ANKRD11: variants seen among roughly 807,000 people sequenced by gnomAD.
ANKRD11 encodes the protein ankyrin repeat domain 11.
In ANKRD11, 17 loss-of-function variants were observed where a neutral mutation model predicts 195.7. The ratio of observed to expected loss-of-function variants is 0.09; its 90% CI spans 0.06 to 0.13. ANKRD11 has a LOEUF of 0.13. Among genes scored for constraint, ANKRD11 ranks in the 10% least tolerant of loss-of-function variants. The pLI is 1.00. For missense variants in ANKRD11, 3,735 were observed against 3,566.1 expected (o/e 1.05, Z -1.21); for synonymous variants, 1,953 against 1,528.1 (o/e 1.28, Z -6.49).
At chr16:89,477,359 CT>C (rs1298140306) in intron 1 of ANKRD11, among the ~76,000 whole-genome samples, 2 of 151,124 alleles carry the variant, frequency 1.3e-5, no homozygotes, top group African/African-American at 4.9e-5. Flanking sequence ...CGCGTAATTT[CT>C]TTTTTTTCTC....
chr16:89,286,796 A>C (rs1207200030), intron 7 of ANKRD11: 1 of 1,287,278 alleles, frequency 7.8e-7, no homozygotes, highest in Admixed American at 2.3e-5. Flanking sequence ...TCAGCTGTTC[A>C]TCACCAGCAA....
chr16:89,487,461 T>C (rs1007560324), intron 1 of ANKRD11, among the ~76,000 whole-genome samples: 6 of 152,206 alleles, frequency 3.9e-5, no homozygotes, highest in African/African-American at 1.4e-4. Context: ...ATAACCTTTC[T>C]ATGTCAAATC....
chr16:89,484,663 TAA>T (rs898784643), intron 1 of ANKRD11, among the ~76,000 whole-genome samples: 4 of 152,220 alleles, frequency 2.6e-5, no homozygotes, highest in African/African-American at 9.6e-5. Flanking sequence ...TCTGATATCA[TAA>T]AGTTATTAGG....
intron 2 of ANKRD11, among the ~76,000 whole-genome samples, chr16:89,353,141 A>C (rs1186973258): frequency 6.6e-6 from 1 of 152,174 alleles, no homozygotes; most frequent in Non-Finnish European, 1.5e-5. Flanking sequence ...CAGGAGTTCA[A>C]GACCAGCCTG....
At chr16:89,268,791 C>T in intron 12 of ANKRD11, 128 bp from the exon 13 acceptor site, 4 of 1,029,076 alleles carry the variant, frequency 3.9e-6, no homozygotes, top group Non-Finnish European at 5.7e-6. Context: ...ATGGGCCAGG[C>T]CCAGCTGTAC....
rs145730800 is a variant in ANKRD11, at chr16:89,283,963, G to A, written c.2579C>T (p.Ser860Leu). Residue 860 changes from serine to leucine, a missense_variant, in exon 9 of 13, where the codon TCG becomes TTG. Coordinates refer to ENST00000301030, the MANE Select transcript of ANKRD11 (RefSeq NM_013275.6). The surrounding 1 kb of genome is among the most constrained non-coding windows in gnomAD (Gnocchi z 4.3). ...FDFKGEDSWD[S>L]PVTDYRDMKS... is the part of the protein sequence containing the mutation. ...CATGTCCCTGTAGTCTGTCACTGGC[G>A]AGTCCCAGCTGTCCTCCCCTTTGAA... The A allele has an allele frequency of 2.3e-5, 37 of 1,613,980 alleles. No individual in the cohort carries two copies. The African/African-American group carries it at 4.0e-4, about 17-fold the overall frequency.
chr16:89,394,222 C>T (rs1023827394), intron 2 of ANKRD11, among the ~76,000 whole-genome samples: 5 of 152,202 alleles, frequency 3.3e-5, no homozygotes, highest in African/African-American at 1.2e-4. Flanking sequence ...GACATGGGCA[C>T]GTTCTGGGAC....
rs375065791 is a variant in ANKRD11 at position 89,291,205 on chromosome 16, G to C, written c.227-22C>G. On this transcript the variant is annotated intron_variant, in intron 4 of 12. Transcript: ENST00000301030. This position sits in a 1 kb window ranked among gnomAD's most constrained non-coding sequence, Gnocchi z 5.3. Reference sequence around the variant, plus strand: ...TTCTCTGTGAGGCGGGCGAGGGAGAGAGGGAGGAGAGATTTCATGCCATGG... The same window carrying C: ...TTCTCTGTGAGGCGGGCGAGGGAGACAGGGAGGAGAGATTTCATGCCATGG... 1.2e-6 allele frequency: 2 copies of C among 1,611,472 alleles called. No individual in the cohort carries two copies. Among genetic ancestry groups the C allele is most frequent in the African/African-American group, 1.3e-5 (1 of 74,928 alleles).
intron 1 of ANKRD11, among the ~76,000 whole-genome samples, chr16:89,481,486 G>C (rs967199200): frequency 6.6e-6 from 1 of 152,156 alleles, no homozygotes; most frequent in African/African-American, 2.4e-5. Flanking sequence ...GAGCCCAGAA[G>C]CTCAAGGATG....
chr16:89,452,043 G>A (rs997520349), intron 1 of ANKRD11, among the ~76,000 whole-genome samples: 11 of 152,074 alleles, frequency 7.2e-5, no homozygotes, highest in Non-Finnish European at 1.5e-4. Context: ...TGGATCACCT[G>A]ACCTCAGGAG....
intron 12 of ANKRD11, among the ~76,000 whole-genome samples, chr16:89,269,457 T>C (rs918280538): frequency 2.6e-5 from 4 of 152,176 alleles, no homozygotes; most frequent in Non-Finnish European, 5.9e-5. Flanking sequence ...TCAATGGGCC[T>C]CATAGCTTTT....
chr16:89,321,632 G>A (rs1444537904), intron 2 of ANKRD11, among the ~76,000 whole-genome samples: 1 of 151,984 alleles, frequency 6.6e-6, no homozygotes. Context: ...GTTCTGTTCT[G>A]CACACTAACA....
Position 89,279,173 on chromosome 16 carries a change from A to G in ANKRD11, c.7369T>C (p.Cys2457Arg). 6.2e-7 allele frequency: 1 copy of G among 1,613,036 alleles called. No homozygotes were observed. Among genetic ancestry groups the G allele is most frequent in the Non-Finnish European group, 8.5e-7 (1 of 1,179,934 alleles). Reference protein sequence around the residue: ...KIEEKRKILCCITPQAPQCYA... With the variant: ...KIEEKRKILCRITPQAPQCYA... ...CACTGGGGCGCCTGCGGCGTGATAC[A>G]GCACAGGATCTTGCGCTTCTCCTCG... The change falls in exon 9 of 13, where the codon TGT (cysteine) becomes CGT (arginine). Residue 2457 changes from cysteine to arginine, a missense_variant. Transcript: ENST00000301030. The surrounding 1 kb of genome is among the most constrained non-coding windows in gnomAD (Gnocchi z 5.6).
chr16:89,270,199 GA>G (rs1288934816), intron 12 of ANKRD11: 1 of 171,368 alleles, frequency 5.8e-6, no homozygotes, highest in Non-Finnish European at 1.3e-5. Flanking sequence ...GCACCTTTCT[GA>G]GAGCTGCAGT....
In ANKRD11 at chr16:89,317,716, TC is replaced by T. The variant is rs941642517; in HGVS notation, c.-59-639del. 1.7e-4 allele frequency among the ~76,000 whole-genome samples: 26 copies of T among 152,338 alleles called. 1 individual carries two copies. The Middle Eastern group carries it at 0.02, about 120-fold the overall frequency. On this transcript the variant is annotated intron_variant, in intron 2 of 12. Transcript: ENST00000301030. The stretch of plus-strand genomic sequence containing the variant: ...GGCCTCAGGCTCCAGCTCCTGGGTT[TC>T]CCAGGAAATCCGAGGACACATACTG...
At chr16:89,365,605 GGTAT>G (rs2039910556) in intron 2 of ANKRD11, among the ~76,000 whole-genome samples, 1 of 152,194 alleles carries the variant, frequency 6.6e-6, no homozygotes, top group Non-Finnish European at 1.5e-5. Context: ...TTGAAAAAGA[GGTAT>G]GTTCACTCAA....
At chr16:89,297,938 G>A (rs1172552473) in intron 4 of ANKRD11, 2 of 151,956 alleles carry the variant, frequency 1.3e-5, no homozygotes, top group Admixed American at 1.3e-4. Flanking sequence ...TTCTTCCGCA[G>A]TGTATGTGAA....
At chr16:89,324,213 C>T (rs2037549629) in intron 2 of ANKRD11, 2 of 1,194,016 alleles carry the variant, frequency 1.7e-6, no homozygotes, top group African/African-American at 1.6e-5. Flanking sequence ...TTCAGCATTA[C>T]TGGCCTCTGC....
chr16:89,307,210 C>T (rs1189526106), intron 3 of ANKRD11, among the ~76,000 whole-genome samples: 1 of 152,210 alleles, frequency 6.6e-6, no homozygotes. Context: ...CTTCAGAGCA[C>T]CGGAGGCCTC....
Sources: allele counts gnomAD v4.1 joint callset (sites outside exome capture counted in the v4.1 genomes callset), GRCh38; gene constraint gnomAD v4.1.1; non-coding constraint Gnocchi (gnomAD v3.1); transcripts MANE v1.5; gene names NCBI Gene and HGNC (gene_info 2026-07-23, HGNC 2026-07-21).